Variants in KCNQ5 observed in about 807,000 individuals in gnomAD.
KCNQ5 encodes potassium voltage-gated channel subfamily Q member 5.
In KCNQ5, 30 loss-of-function variants were observed where a neutral mutation model predicts 98.2. The observed-to-expected ratio is 0.31, with a 90% CI of 0.23 to 0.41. KCNQ5 has a LOEUF of 0.41. Ranked by LOEUF, KCNQ5 falls within the 10% of genes least tolerant of loss-of-function variation. KCNQ5 has a pLI of 1.00. For missense variants in KCNQ5, 835 were observed against 1,182.5 expected (o/e 0.71, Z 4.31); for synonymous variants, 458 against 449.4 (o/e 1.02, Z -0.24).
chr6:72,799,196 G>T (rs111269894), intron 1 of KCNQ5, among the ~76,000 whole-genome samples: 1 of 152,204 alleles, frequency 6.6e-6, no homozygotes, highest in Admixed American at 6.5e-5. Context: ...CCAGCAGACC[G>T]GAAACTCAGG....
chr6:72,994,313 T>C (rs1417354882), intron 1 of KCNQ5, among the ~76,000 whole-genome samples: 7 of 39,882 alleles, frequency 1.8e-4, no homozygotes, highest in African/African-American at 7.0e-4. Flanking sequence ...ATCAGCGAGA[T>C]TCCGTGGGCG....
At chr6:72,826,933 A>G (rs1237663371) in intron 1 of KCNQ5, among the ~76,000 whole-genome samples, 1 of 151,904 alleles carries the variant, frequency 6.6e-6, no homozygotes, top group African/African-American at 2.4e-5. Context: ...CTTCCAAGAG[A>G]TCAACTTTTT....
chr6:72,803,653 C>G (rs1278500495), intron 1 of KCNQ5, among the ~76,000 whole-genome samples: 1 of 152,066 alleles, frequency 6.6e-6, no homozygotes, highest in African/African-American at 2.4e-5. Context: ...AGAAAAAATA[C>G]TCCTAATATG....
chr6:72,988,541 T>A (rs547114650), intron 1 of KCNQ5, among the ~76,000 whole-genome samples: 11 of 151,882 alleles, frequency 7.2e-5, no homozygotes, highest in Non-Finnish European at 1.6e-4. Context: ...GTCAAAAAAC[T>A]ACCTACTGGG....
At chr6:72,954,535 G>C (rs1377722190) in intron 1 of KCNQ5, among the ~76,000 whole-genome samples, 2 of 26,294 alleles carry the variant, frequency 7.6e-5, no homozygotes, top group Non-Finnish European at 1.2e-4. Flanking sequence ...ACTTTTCTGT[G>C]TGTGTGTGTG....
chr6:73,081,855 G>C (rs1430407242), intron 5 of KCNQ5, among the ~76,000 whole-genome samples: 1 of 151,964 alleles, frequency 6.6e-6, no homozygotes, highest in Non-Finnish European at 1.5e-5. Flanking sequence ...GAAAAGTCTG[G>C]ACCAGAGTTT....
intron 1 of KCNQ5, among the ~76,000 whole-genome samples, chr6:72,755,536 TTACAGTAAA>T (rs1487874836): frequency 6.6e-6 from 1 of 152,162 alleles, no homozygotes; most frequent in African/African-American, 2.4e-5. Flanking sequence ...GTGCTGGTAT[TTACAGTAAA>T]TATCTTTAAG....
At chr6:72,704,774 G>A (rs1212088587) in intron 1 of KCNQ5, among the ~76,000 whole-genome samples, 2 of 151,674 alleles carry the variant, frequency 1.3e-5, no homozygotes, top group Non-Finnish European at 2.9e-5. Context: ...TGGTGATACA[G>A]CAAACAACAT....
chr6:72,890,721 C>T (rs1350015339), intron 1 of KCNQ5, among the ~76,000 whole-genome samples: 2 of 152,158 alleles, frequency 1.3e-5, no homozygotes, highest in East Asian at 3.8e-4. Context: ...TGTGTCTTAA[C>T]TAAAAGTAAA....
rs148449396 is a variant in KCNQ5 at position 72,813,780 on chromosome 6, G to A, written c.399-190128G>A. Among the ~76,000 whole-genome samples, 7 of 152,246 alleles carry A rather than the reference G, an allele frequency of 4.6e-5. No homozygotes were observed. The East Asian group carries it at 5.8e-4, about 13-fold the overall frequency. On this transcript the variant is annotated intron_variant, in intron 1 of 13. Transcript: ENST00000370398. Reference sequence around the variant, plus strand: ...GATTACTTATAATATCTAATATAATGTAATTGCTATGTAAATAGTTGTTTT... The same window carrying A: ...GATTACTTATAATATCTAATATAATATAATTGCTATGTAAATAGTTGTTTT...
chr6:72,655,764 G>C (rs1375241437), intron 1 of KCNQ5, among the ~76,000 whole-genome samples: 8 of 152,168 alleles, frequency 5.3e-5, no homozygotes, highest in Non-Finnish European at 5.9e-5. Context: ...AATGGATTTT[G>C]AGTAGGGGAA....
At chr6:72,821,566 G>A (rs889599629) in intron 1 of KCNQ5, among the ~76,000 whole-genome samples, 5 of 151,050 alleles carry the variant, frequency 3.3e-5, no homozygotes, top group Admixed American at 2.6e-4. Context: ...CTTCTGAATA[G>A]TATTTGTGAC....
intron 3 of KCNQ5, among the ~76,000 whole-genome samples, chr6:73,045,632 A>C (rs1049701467): frequency 4.6e-5 from 7 of 152,206 alleles, no homozygotes; most frequent in African/African-American, 1.7e-4. Context: ...GAATTTGTGA[A>C]TAACCTCTAA....
chr6:72,909,546 C>G (rs1779840316), intron 1 of KCNQ5, among the ~76,000 whole-genome samples: 1 of 152,112 alleles, frequency 6.6e-6, no homozygotes, highest in Non-Finnish European at 1.5e-5. Flanking sequence ...GGGGAGACAG[C>G]CTGCATTGAG....
intron 1 of KCNQ5, among the ~76,000 whole-genome samples, chr6:72,727,674 C>A (rs1423694264): frequency 6.6e-6 from 1 of 152,152 alleles, no homozygotes; most frequent in Non-Finnish European, 1.5e-5. Context: ...CACAATAATA[C>A]TGCATAATAT....
intron 1 of KCNQ5, among the ~76,000 whole-genome samples, chr6:72,806,044 C>G (rs1186484900): frequency 6.6e-6 from 1 of 152,096 alleles, no homozygotes; most frequent in Non-Finnish European, 1.5e-5. Flanking sequence ...CAACTGGTGA[C>G]AGAGACCTGA....
At chr6:72,751,163 T>C (rs1317318659) in intron 1 of KCNQ5, among the ~76,000 whole-genome samples, 1 of 151,928 alleles carries the variant, frequency 6.6e-6, no homozygotes, top group Non-Finnish European at 1.5e-5. Context: ...GAAGTAGCAT[T>C]TGAATTGGAT....
chr6:72,889,791 T>C (rs1223839793), intron 1 of KCNQ5, among the ~76,000 whole-genome samples: 3 of 152,214 alleles, frequency 2.0e-5, no homozygotes, highest in East Asian at 1.9e-4. Context: ...AGACATTATA[T>C]GAATATATCA....
intron 1 of KCNQ5, among the ~76,000 whole-genome samples, chr6:72,638,722 T>C (rs2098925575): frequency 6.6e-6 from 1 of 152,256 alleles, no homozygotes; most frequent in South Asian, 2.1e-4. Context: ...GATAATATAT[T>C]TAAAAGAGCT....
Sources: allele counts gnomAD v4.1 joint callset (sites outside exome capture counted in the v4.1 genomes callset), GRCh38; gene constraint gnomAD v4.1.1; transcripts MANE v1.5; gene names NCBI Gene and HGNC (gene_info 2026-07-23, HGNC 2026-07-21).